Variants in MAPRE2 observed in about 807,000 individuals in gnomAD.
MAPRE2 encodes microtubule-associated protein RP/EB family member 2.
Under a neutral mutation model 43.2 loss-of-function variants are expected in MAPRE2, and 13 were observed. The ratio of observed to expected loss-of-function variants is 0.30; its 90% CI spans 0.20 to 0.48. The LOEUF is 0.48. Ranked by LOEUF, MAPRE2 falls within the 20% of genes least tolerant of loss-of-function variation. The pLI is 0.99. For missense variants in MAPRE2, 161 were observed against 400.2 expected (o/e 0.40, Z 5.10); for synonymous variants, 135 against 148.8 (o/e 0.91, Z 0.68).
At chr18:35,055,561 G>GTGTGTGTGTA (rs1430524088) in intron 1 of MAPRE2, among the ~76,000 whole-genome samples, 5 of 149,520 alleles carry the variant, frequency 3.3e-5, no homozygotes, top group Non-Finnish European at 7.4e-5. Flanking sequence ...GTGTGTGTGT[G>GTGTGTGTGTA]TGTATGTGTG....
chr18:35,126,776 TTAAC>T (rs1164484227), intron 4 of MAPRE2, among the ~76,000 whole-genome samples, 168 bp from the exon 5 acceptor site: 1 of 152,166 alleles, frequency 6.6e-6, no homozygotes, highest in African/African-American at 2.4e-5. Context: ...CAACCGTACT[TTAAC>T]TGTGTACACT....
chr18:35,043,552 T>G (rs1905469960), intron 1 of MAPRE2, among the ~76,000 whole-genome samples: 1 of 152,242 alleles, frequency 6.6e-6, no homozygotes, highest in Admixed American at 6.5e-5. Flanking sequence ...TATTTGCGTT[T>G]CCTAAATTAT....
At chr18:35,020,640 G>T (rs920135311) in intron 2 of MAPRE2, among the ~76,000 whole-genome samples, 1 of 151,732 alleles carries the variant, frequency 6.6e-6, no homozygotes, top group African/African-American at 2.4e-5. Flanking sequence ...TTCTGTAAAG[G>T]TGTCTTCGAA....
chr18:34,988,892 T>A (rs981274954), intron 1 of MAPRE2: 1 of 152,212 alleles, frequency 6.6e-6, no homozygotes, highest in Non-Finnish European at 1.5e-5. Flanking sequence ...GAATTCTGTA[T>A]AATCTTGCCT....
intron 2 of MAPRE2, among the ~76,000 whole-genome samples, chr18:35,083,861 TAATC>T: frequency 6.6e-6 from 1 of 152,322 alleles, no homozygotes; most frequent in Middle Eastern, 3.4e-3. Flanking sequence ...ACCTAAATCT[TAATC>T]AAGGGCTATT....
At chr18:34,992,327 T>C (rs1032292688) in intron 1 of MAPRE2, among the ~76,000 whole-genome samples, 3 of 152,224 alleles carry the variant, frequency 2.0e-5, no homozygotes, top group Admixed American at 2.0e-4. Flanking sequence ...GTTCAAAGTC[T>C]GTGCAATGAT....
chr18:34,997,416 T>C (rs2097027049), intron 1 of MAPRE2, among the ~76,000 whole-genome samples: 1 of 152,176 alleles, frequency 6.6e-6, no homozygotes, highest in African/African-American at 2.4e-5. Flanking sequence ...GAGCTCTGAC[T>C]CTTCAACTTG....
intron 2 of MAPRE2, among the ~76,000 whole-genome samples, chr18:35,077,133 G>A (rs959705829): frequency 6.6e-6 from 1 of 152,168 alleles, no homozygotes; most frequent in African/African-American, 2.4e-5. Context: ...TTTATATAGT[G>A]CCTTAACAGG....
chr18:35,020,551 CAAA>C lies in MAPRE2; in HGVS notation c.-8+15010_-8+15012del, dbSNP rs34608748. ...TAGAGAAAAGCTTTCCTTGGCTTGT[CAAA>C]AAAAAAAAAAATGTGCAGTGAGTGC... is the stretch of plus-strand genomic sequence containing the variant. On this transcript the variant is annotated intron_variant, in intron 2 of 7. Transcript: ENST00000413393. 4.9e-3 allele frequency among the ~76,000 whole-genome samples: 701 copies of C among 143,864 alleles called. 1 individual carries two copies. Among genetic ancestry groups the C allele is most frequent in the African/African-American group, 9.8e-3 (375 of 38,446 alleles). The allele number at this position is 143,864 out of a possible 152,430, so 94.4% of individuals were successfully genotyped here. A position where few individuals can be genotyped will look rare whatever the true frequency, so the allele number is the denominator to read the frequency against.
chr18:34,990,070 T>C (rs2097022992), intron 1 of MAPRE2, among the ~76,000 whole-genome samples: 3 of 152,186 alleles, frequency 2.0e-5, no homozygotes, highest in Admixed American at 2.0e-4. Flanking sequence ...CACAAGATTT[T>C]AACTTTGGGA....
chr18:35,008,522 A>C (rs982737524), intron 2 of MAPRE2, among the ~76,000 whole-genome samples: 1 of 152,196 alleles, frequency 6.6e-6, no homozygotes, highest in Non-Finnish European at 1.5e-5. Flanking sequence ...TATTTTACCT[A>C]CTGTGAGTCA....
intron 1 of MAPRE2, among the ~76,000 whole-genome samples, chr18:35,053,666 G>T (rs1168462584): frequency 6.6e-6 from 1 of 152,114 alleles, no homozygotes; most frequent in African/African-American, 2.4e-5. Flanking sequence ...AGGAAAGTGT[G>T]CATAGAAAAT....
chr18:35,079,561 G>A (rs1010492373), intron 2 of MAPRE2, among the ~76,000 whole-genome samples: 12 of 152,136 alleles, frequency 7.9e-5, no homozygotes, highest in Admixed American at 7.2e-4. Flanking sequence ...CCAGATTGCA[G>A]CTCCTGAACT....
chr18:35,040,061 G>T (rs1046389952), upstream of MAPRE2, among the ~76,000 whole-genome samples: 1 of 152,194 alleles, frequency 6.6e-6, no homozygotes, highest in Non-Finnish European at 1.5e-5. Flanking sequence ...AAATTAGCTG[G>T]GTGTGGCGGC....
chr18:35,126,935 T>C lies in MAPRE2; in HGVS notation c.611-13T>C, dbSNP rs756811704. On this transcript the variant is annotated splice_polypyrimidine_tract_variant and intron_variant, in intron 4 of 6. Transcript: ENST00000300249. The stretch of plus-strand genomic sequence containing the variant: ...TATTGCCAGTATTTATCATTTATTC[T>C]GATTGCTTTCAGGTGCAGCTAAATC... 40 of 1,612,616 alleles carry C rather than the reference T, an allele frequency of 2.5e-5. No homozygotes were observed. The highest frequency in any genetic ancestry group is 3.2e-5 in the Non-Finnish European group (38 of 1,179,170).
intron 5 of MAPRE2, chr18:35,127,562 T>A (rs978528743): frequency 6.5e-6 from 1 of 153,676 alleles, no homozygotes; most frequent in South Asian, 2.0e-4. Flanking sequence ...TTATTCTATA[T>A]GAAAGATATT....
At chr18:35,003,656 T>C (rs962056460) in intron 1 of MAPRE2, among the ~76,000 whole-genome samples, 1 of 152,242 alleles carries the variant, frequency 6.6e-6, no homozygotes, top group Non-Finnish European at 1.5e-5. Context: ...ATAGATAAAC[T>C]AGAAACCTTA....
chr18:34,998,772 A>ATTTTTTTTTTTTTTTTTTTTTTTT (rs67933808), intron 1 of MAPRE2, among the ~76,000 whole-genome samples: 2 of 93,726 alleles, frequency 2.1e-5, no homozygotes, highest in African/African-American at 9.9e-5. Context: ...CGAAGTTGCA[A>ATTTTTTTTTTTTTTTTTTTTTTTT]TTTTTTTTTT....
chr18:35,044,266 T>C (rs992834891), intron 1 of MAPRE2, among the ~76,000 whole-genome samples: 1 of 152,244 alleles, frequency 6.6e-6, no homozygotes, highest in African/African-American at 2.4e-5. Context: ...ATTTTGCTCT[T>C]GTTGCCCAGG....
Sources: allele counts gnomAD v4.1 joint callset (sites outside exome capture counted in the v4.1 genomes callset), GRCh38; gene constraint gnomAD v4.1.1; transcripts MANE v1.5; gene names NCBI Gene and HGNC (gene_info 2026-07-23, HGNC 2026-07-21).